BABAM2: variants seen among roughly 807,000 people sequenced by gnomAD.
The protein encoded by BABAM2 is BRISC and BRCA1 A complex member 2.
BABAM2 carries 31 observed loss-of-function variants against 54.7 expected under a neutral mutation model. The observed-to-expected ratio is 0.57, with a 90% CI of 0.43 to 0.77. The LOEUF (loss-of-function observed/expected upper bound fraction) is 0.77, where lower values mean the gene tolerates loss of function less well. Ranked by LOEUF, BABAM2 falls within the 30% of genes least tolerant of loss-of-function variation. The probability of loss-of-function intolerance (pLI) is 0.00; values close to 1 mark genes in which losing one functional copy is unlikely to be tolerated. For missense variants in BABAM2, 364 were observed against 455.8 expected (o/e 0.80, Z 1.83); for synonymous variants, 167 against 162.9 (o/e 1.03, Z -0.19).
intron 11 of BABAM2, among the ~76,000 whole-genome samples, chr2:28,337,490 G>A (rs965708809): frequency 5.9e-5 from 9 of 152,076 alleles, no homozygotes; most frequent in African/African-American, 2.2e-4. Context: ...TGGGCTCGGC[G>A]GGTGCACATC....
At chr2:27,906,078 G>A (rs992434913) in intron 2 of BABAM2, among the ~76,000 whole-genome samples, 9 of 152,216 alleles carry the variant, frequency 5.9e-5, no homozygotes, top group African/African-American at 2.2e-4. Context: ...AATGCAGGGA[G>A]TTCTGTCTGA....
intron 10 of BABAM2, among the ~76,000 whole-genome samples, chr2:28,294,328 C>T (rs1401698842): frequency 2.0e-5 from 3 of 150,784 alleles, no homozygotes; most frequent in Non-Finnish European, 4.4e-5. Context: ...TGCAGTGAGC[C>T]GAGATCGCAC....
At chr2:27,894,015 AAGATATATC>A (rs1470713505) in intron 1 of BABAM2, among the ~76,000 whole-genome samples, 1 of 151,770 alleles carries the variant, frequency 6.6e-6, no homozygotes, top group Non-Finnish European at 1.5e-5. Context: ...AAAAAAAAGA[AAGATATATC>A]AGCAGTAAAT....
At chr2:28,209,255 T>G (rs1679203714) in intron 7 of BABAM2, among the ~76,000 whole-genome samples, 1 of 151,554 alleles carries the variant, frequency 6.6e-6, no homozygotes, top group African/African-American at 2.4e-5. Context: ...TTCCTTAGAG[T>G]GGGGTGGAGT....
rs185466635 is a variant in BABAM2 at position 28,102,241 on chromosome 2, A to G, written c.571-27030A>G. On this transcript the variant is annotated intron_variant, in intron 6 of 11. Transcript: ENST00000379624. ...AAACGCTTTTTCACTGTGCTTGGGT[A>G]ATACATGTCCCTTTTTCCCTCAATA... 1.2e-4 allele frequency among the ~76,000 whole-genome samples: 18 copies of G among 152,346 alleles called. No individual in the cohort carries two copies. The East Asian group carries it at 3.1e-3, about 26-fold the overall frequency.
At chr2:28,115,183 AC>A (rs1316650357) in intron 6 of BABAM2, among the ~76,000 whole-genome samples, 45 of 20,486 alleles carry the variant, frequency 2.2e-3, no homozygotes, top group African/African-American at 0.016. Context: ...TAACTTTAAA[AC>A]ACACACACAC....
At chr2:28,133,689 C>A (rs1484802926) in intron 7 of BABAM2, among the ~76,000 whole-genome samples, 1 of 152,206 alleles carries the variant, frequency 6.6e-6, no homozygotes, top group Non-Finnish European at 1.5e-5. Context: ...AGATATTATA[C>A]TCACGTTAAC....
chr2:28,258,820 A>G (rs1684222610), intron 10 of BABAM2, among the ~76,000 whole-genome samples: 1 of 151,728 alleles, frequency 6.6e-6, no homozygotes, highest in South Asian at 2.1e-4. Flanking sequence ...TCTGTCACCC[A>G]GGCTGGAGTG....
intron 8 of BABAM2, 138 bp from the exon 9 acceptor site, chr2:28,241,185 C>A (rs1682395897): frequency 1.3e-6 from 1 of 758,146 alleles, no homozygotes; most frequent in Admixed American, 2.2e-5. Flanking sequence ...ACAATAGTCA[C>A]AGTTGTTGAA....
chr2:28,140,245 C>G (rs796406006), intron 7 of BABAM2, among the ~76,000 whole-genome samples: 43 of 152,248 alleles, frequency 2.8e-4, no homozygotes, highest in African/African-American at 9.1e-4. Context: ...ATGTCAGACA[C>G]TTGATGGAAG....
Position 27,993,369 on chromosome 2 carries a change from G to C in BABAM2, c.300+5282G>C, listed in dbSNP as rs142785360. 3.6e-3 allele frequency among the ~76,000 whole-genome samples: 553 copies of C among 152,162 alleles called. 6 individuals carry two copies. The highest frequency in any genetic ancestry group is 0.011 in the African/African-American group (450 of 41,504). On this transcript the variant is annotated intron_variant, in intron 4 of 11. Coordinates refer to ENST00000379624, the MANE Select transcript of BABAM2 (RefSeq NM_199191.3). ...AGGGACTTGCAGCTTTCCAGGACTA[G>C]AAAATACACTTTAGATTAAAATTTT...
At chr2:28,268,722 C>T (rs1294308079) in intron 10 of BABAM2, among the ~76,000 whole-genome samples, 2 of 152,184 alleles carry the variant, frequency 1.3e-5, no homozygotes, top group East Asian at 1.9e-4. Context: ...TGCCGGCCCC[C>T]GTTGTTTGGA....
At chr2:28,147,313 G>C (rs1469596304) in intron 7 of BABAM2, among the ~76,000 whole-genome samples, 1 of 152,026 alleles carries the variant, frequency 6.6e-6, no homozygotes, top group East Asian at 1.9e-4. Flanking sequence ...TACATCATTT[G>C]CTTAAGTTCA....
At chr2:28,075,481 G>T (rs1052232104) in intron 6 of BABAM2, among the ~76,000 whole-genome samples, 2 of 151,876 alleles carry the variant, frequency 1.3e-5, no homozygotes, top group Admixed American at 6.6e-5. Context: ...TAAAAGTAAG[G>T]TTAAATTTCA....
In BABAM2 at chr2:28,297,618, A is replaced by G. The variant is rs75752353; in HGVS notation, c.935-720A>G. Reference sequence around the variant, plus strand: ...GGAATTAGCCTGTACTATCACAGCAAACATATTTAGTGCTCAGAGTAGTAC... The same window carrying G: ...GGAATTAGCCTGTACTATCACAGCAGACATATTTAGTGCTCAGAGTAGTAC... On this transcript the variant is annotated intron_variant, in intron 10 of 11. Transcript: ENST00000379624. 7.2e-3 allele frequency among the ~76,000 whole-genome samples: 1,104 copies of G among 152,348 alleles called. 10 individuals are homozygous for G. Among genetic ancestry groups the G allele is most frequent in the African/African-American group, 0.025 (1,046 of 41,576 alleles).
At chr2:28,078,193 G>A (rs949132996) in intron 6 of BABAM2, among the ~76,000 whole-genome samples, 11 of 151,946 alleles carry the variant, frequency 7.2e-5, no homozygotes, top group African/African-American at 1.7e-4. Flanking sequence ...TGTACACTGC[G>A]TGCCCTTCCA....
At chr2:28,041,294 A>G (rs1677086090) in intron 5 of BABAM2, among the ~76,000 whole-genome samples, 1 of 152,214 alleles carries the variant, frequency 6.6e-6, no homozygotes, top group Non-Finnish European at 1.5e-5. Context: ...ACTAGTAGGC[A>G]GAAATGGTTA....
chr2:28,004,927 G>A (rs753188127), intron 4 of BABAM2, among the ~76,000 whole-genome samples: 6 of 152,056 alleles, frequency 3.9e-5, no homozygotes, highest in Non-Finnish European at 7.4e-5. Flanking sequence ...CCTAGTTAGC[G>A]CCTCTGGGAA....
At position 28,338,892 on chromosome 2, in the gene BABAM2, TC is replaced by T. The variant is rs1691706452; in HGVS notation, c.*381del. On this transcript the variant is annotated 3_prime_UTR_variant, in exon 12 of 12. Transcript: ENST00000379624. The stretch of plus-strand genomic sequence containing the variant: ...AAGATTAAATGCCCCTCGCTGTTCT[TC>T]CTCTGAAACTAGTGTCTTCCCTCTG... 3 of 235,518 alleles carry T rather than the reference TC, an allele frequency of 1.3e-5. No individual in the cohort carries two copies. The highest frequency in any genetic ancestry group is 2.5e-5 in the Non-Finnish European group (3 of 118,932). 14.6% of individuals were successfully genotyped at this position (235,518 alleles called of 1,614,324 possible).
Sources: allele counts gnomAD v4.1 joint callset (sites outside exome capture counted in the v4.1 genomes callset), GRCh38; gene constraint gnomAD v4.1.1; transcripts MANE v1.5; gene names NCBI Gene and HGNC (gene_info 2026-07-23, HGNC 2026-07-21).